Variants in MACROD2 observed in about 807,000 individuals in gnomAD.
MACROD2 encodes the protein mono-ADP ribosylhydrolase 2, also known as ADP-ribose glycohydrolase MACROD2.
MACROD2 carries 36 observed loss-of-function variants against 70.4 expected under a neutral mutation model. The observed-to-expected ratio is 0.51, with a 90% CI of 0.39 to 0.68. MACROD2 has a LOEUF of 0.68. Among genes scored for constraint, MACROD2 ranks in the 30% least tolerant of loss-of-function variants. The probability of loss-of-function intolerance (pLI) is 0.00; values close to 1 mark genes in which losing one functional copy is unlikely to be tolerated. For synonymous variants in MACROD2, 172 were observed against 178.8 expected, an observed-to-expected ratio of 0.96 and a Z score of 0.30; for missense variants, 496 against 538.4, an observed-to-expected ratio of 0.92 and a Z score of 0.78.
chr20:14,502,000 T>A (rs761511117), intron 4 of MACROD2, among the ~76,000 whole-genome samples: 10 of 152,316 alleles, frequency 6.6e-5, no homozygotes, highest in Non-Finnish European at 1.2e-4. Context: ...AAAGGTAAAA[T>A]CTTTTTAAAA....
chr20:14,456,609 A>C (rs1298481169), intron 3 of MACROD2, among the ~76,000 whole-genome samples: 1 of 151,670 alleles, frequency 6.6e-6, no homozygotes, highest in East Asian at 1.9e-4. Context: ...AAAGGGAAAC[A>C]TTTTAAAATG....
rs1029580234 is a variant in MACROD2, at chr20:16,050,130, A to G, written c.*254A>G. The G allele has an allele frequency of 1.7e-5, 6 of 353,084 alleles. No individual in the cohort carries two copies. The highest frequency in any genetic ancestry group is 1.3e-4 in the African/African-American group (6 of 47,646). The allele number at this position is 353,084 out of a possible 1,614,324, so 21.9% of individuals were successfully genotyped here. A position where few individuals can be genotyped will look rare whatever the true frequency, so the allele number is the denominator to read the frequency against. On this transcript the variant is annotated 3_prime_UTR_variant, in exon 18 of 18. Transcript: ENST00000684519. ...GCATCTTTCAGGCATTATCCTTGTA[A>G]TTTCTGTCTTTTCTCTTACAACTTT...
intron 9 of MACROD2, among the ~76,000 whole-genome samples, chr20:15,884,142 G>A (rs1490975466): frequency 6.6e-6 from 1 of 152,012 alleles, no homozygotes; most frequent in Non-Finnish European, 1.5e-5. Context: ...ATGGATGGAG[G>A]AGCCAGGATG....
intron 5 of MACROD2, among the ~76,000 whole-genome samples, chr20:15,227,418 C>T (rs924337024): frequency 5.3e-5 from 8 of 151,716 alleles, no homozygotes; most frequent in African/African-American, 1.7e-4. Flanking sequence ...CTCTAAGCCT[C>T]TTCTTTACTT....
chr20:13,996,694 T>C (rs2052662876), intron 1 of MACROD2, among the ~76,000 whole-genome samples: 2 of 152,220 alleles, frequency 1.3e-5, no homozygotes, highest in South Asian at 2.1e-4. Flanking sequence ...TTTGGTAATA[T>C]TCTAACTTGA....
chr20:15,068,147 T>C (rs1451710042), intron 5 of MACROD2, among the ~76,000 whole-genome samples: 2 of 152,192 alleles, frequency 1.3e-5, no homozygotes, highest in Non-Finnish European at 2.9e-5. Flanking sequence ...AAGATTATAA[T>C]TTTCTTCAGT....
chr20:14,880,204 C>T lies in MACROD2; in HGVS notation c.418+195245C>T, dbSNP rs549315513. On this transcript the variant is annotated intron_variant, in intron 5 of 17. Transcript: ENST00000684519. ...CTTGTTGCCATCATGAGAAAAGATA[C>T]GTATGTCCACAGTTTTGGGGAGAGG... 3.9e-5 allele frequency among the ~76,000 whole-genome samples: 6 copies of T among 152,222 alleles called. No homozygotes were observed. The South Asian group carries it at 1.2e-3, about 32-fold the overall frequency.
At chr20:15,161,069 C>T (rs939334402) in intron 5 of MACROD2, among the ~76,000 whole-genome samples, 3 of 151,986 alleles carry the variant, frequency 2.0e-5, no homozygotes, top group African/African-American at 7.2e-5. Context: ...AGATAGTTCA[C>T]CTTTAAATCC....
chr20:15,862,547 A>C (rs1209710877), intron 8 of MACROD2, among the ~76,000 whole-genome samples, 198 bp from the exon 9 acceptor site: 1 of 152,020 alleles, frequency 6.6e-6, no homozygotes. Context: ...ATTTATATAC[A>C]GAGTACACAC....
chr20:15,270,833 A>C (rs2077340148), intron 6 of MACROD2, among the ~76,000 whole-genome samples: 1 of 152,068 alleles, frequency 6.6e-6, no homozygotes, highest in Admixed American at 6.6e-5. Context: ...ACTCCTTTTC[A>C]TCCTTCAAAA....
intron 3 of MACROD2, among the ~76,000 whole-genome samples, chr20:14,117,481 C>T (rs934588033): frequency 6.6e-6 from 1 of 152,086 alleles, no homozygotes; most frequent in Non-Finnish European, 1.5e-5. Flanking sequence ...ATTTTATGCT[C>T]AAAGTATATT....
intron 8 of MACROD2, among the ~76,000 whole-genome samples, chr20:15,716,014 A>C (rs1312777300): frequency 6.6e-6 from 1 of 152,170 alleles, no homozygotes; most frequent in African/African-American, 2.4e-5. Context: ...CAAATTATGC[A>C]AGGTGTTATG....
At chr20:15,419,147 G>T (rs548439326) in intron 6 of MACROD2, among the ~76,000 whole-genome samples, 1 of 152,238 alleles carries the variant, frequency 6.6e-6, no homozygotes, top group East Asian at 1.9e-4. Flanking sequence ...GGAAGAGTGG[G>T]TATTGGGGCA....
intron 6 of MACROD2, among the ~76,000 whole-genome samples, chr20:15,389,556 C>A (rs2045764848): frequency 6.6e-6 from 1 of 152,066 alleles, no homozygotes; most frequent in African/African-American, 2.4e-5. Context: ...CTGTAGAAAC[C>A]CCATAATCAA....
chr20:14,104,147 T>C (rs2054337971), intron 3 of MACROD2, among the ~76,000 whole-genome samples: 1 of 152,146 alleles, frequency 6.6e-6, no homozygotes. Context: ...CATTATTAGG[T>C]TTGATGAATT....
intron 5 of MACROD2, among the ~76,000 whole-genome samples, chr20:14,979,485 T>C (rs1332520453): frequency 6.6e-6 from 1 of 152,162 alleles, no homozygotes; most frequent in African/African-American, 2.4e-5. Flanking sequence ...GAAAGAAATA[T>C]TCTCTCAAGA....
intron 5 of MACROD2, among the ~76,000 whole-genome samples, chr20:14,896,019 G>C (rs1038621632): frequency 6.6e-6 from 1 of 152,152 alleles, no homozygotes; most frequent in African/African-American, 2.4e-5. Context: ...GAAATAGGCC[G>C]GGTGCTGTGG....
At chr20:14,211,740 G>C (rs2081572863) in intron 3 of MACROD2, among the ~76,000 whole-genome samples, 4 of 152,178 alleles carry the variant, frequency 2.6e-5, no homozygotes, top group Admixed American at 2.6e-4. Flanking sequence ...ACCGTAGTGT[G>C]TCTCTAGACT....
At chr20:15,231,723 T>C (rs966279351) in intron 6 of MACROD2, among the ~76,000 whole-genome samples, 12 of 152,162 alleles carry the variant, frequency 7.9e-5, no homozygotes, top group African/African-American at 2.9e-4. Flanking sequence ...GGAAGAATTA[T>C]GGGCTAAGTT....
Sources: gnomAD v4.1 joint callset for allele counts (sites outside exome capture counted in the v4.1 genomes callset) on GRCh38, gnomAD v4.1.1 for gene constraint, MANE v1.5 for transcripts, NCBI Gene and HGNC (gene_info 2026-07-23, HGNC 2026-07-21) for gene names.